The following CACTIN variants were observed in gnomAD, a reference collection of about 807,000 sequenced individuals.
The protein encoded by CACTIN is cactin, spliceosome C complex subunit.
A neutral mutation model predicts 84.9 loss-of-function variants in CACTIN; 20 were observed. The observed-to-expected ratio is 0.24, with a 90% CI of 0.17 to 0.34. CACTIN has a LOEUF of 0.34. Among genes scored for constraint, CACTIN ranks in the 10% least tolerant of loss-of-function variants. CACTIN has a pLI of 1.00. For missense variants in CACTIN, 897 were observed against 1,117.2 expected (o/e 0.80, Z 2.81); for synonymous variants, 549 against 467.9 (o/e 1.17, Z -2.24).
intron 9 of CACTIN, 76 bp downstream of exon 9, chr19:3,612,982 G>A (rs1371659220): frequency 1.3e-6 from 2 of 1,489,992 alleles, no homozygotes; most frequent in Non-Finnish European, 1.8e-6. Flanking sequence ...GCTTCGGCCG[G>A]GAAATGAGGC....
chr19:3,612,519 A>G, intron 9 of CACTIN, 106 bp from the exon 10 acceptor site: 2 of 1,434,944 alleles, frequency 1.4e-6, no homozygotes, highest in South Asian at 2.9e-5. Context: ...CGCAAAAGGA[A>G]AACAGGCTGG....
At chr19:3,626,072 G>C (rs566076092) in intron 1 of CACTIN, among the ~76,000 whole-genome samples, 45 of 151,848 alleles carry the variant, frequency 3.0e-4, no homozygotes, top group African/African-American at 1.1e-3. Context: ...TGAAATCTAC[G>C]CACTTTGCCC....
intron 2 of CACTIN, among the ~76,000 whole-genome samples, chr19:3,622,950 G>A (rs545082650): frequency 2.0e-5 from 3 of 152,302 alleles, no homozygotes; most frequent in Admixed American, 6.5e-5. Context: ...AGAAAATGAC[G>A]GTGGGCTGGG....
In CACTIN at chr19:3,619,246, TG is replaced by T; in HGVS notation, c.885-5del. On this transcript the variant is annotated splice_polypyrimidine_tract_variant and splice_region_variant and intron_variant, in intron 4 of 9. Coordinates refer to ENST00000429344, the MANE Select transcript of CACTIN (RefSeq NM_001080543.2). The stretch of plus-strand genomic sequence containing the variant: ...GTCCCGGATGCGGATCTTGGAACTG[TG>T]GGGAGCAGGGGAAGGTGGCATCAGA... 6.2e-7 allele frequency: 1 copy of T among 1,612,152 alleles called. No individual in the cohort carries two copies.
intron 7 of CACTIN, 173 bp from the exon 8 acceptor site, chr19:3,613,759 GGA>G (rs1217432137): frequency 2.2e-6 from 2 of 891,898 alleles, no homozygotes; most frequent in African/African-American, 1.7e-5. Flanking sequence ...AAGGCTTATG[GGA>G]GAGAGGACGA....
Position 3,620,795 on chromosome 19 carries a change from T to G in CACTIN, c.650A>C (p.Glu217Ala). The G allele has an allele frequency of 6.2e-7, 1 of 1,612,918 alleles. No homozygotes were observed. Among genetic ancestry groups the G allele is most frequent in the South Asian group, 1.1e-5 (1 of 91,072 alleles). The change falls in exon 3 of 10, where the codon GAG becomes GCG. Residue 217 changes from glutamate to alanine, a missense_variant. This residue lies in a region of CACTIN where 304 missense variants were observed against 444.3 expected (regional missense o/e 0.68). Transcript: ENST00000429344. Reference sequence around the variant, plus strand: ...CTCCAGGTGGCTGATCCCCTTCTTCTCCAGGGCCTGGAAGCACCAGGCACA... The same window carrying G: ...CTCCAGGTGGCTGATCCCCTTCTTCGCCAGGGCCTGGAAGCACCAGGCACA... ...LGTFIWNKAL[E>A]KKGISHLEEK...
At chr19:3,618,770 C>T (rs886622150) in intron 6 of CACTIN, 105 bp downstream of exon 6, 22 of 920,872 alleles carry the variant, frequency 2.4e-5, no homozygotes, top group South Asian at 3.3e-5. Flanking sequence ...TTGGGGAAAC[C>T]GAGGCCTGCA....
chr19:3,624,942 G>C (rs147753464), intron 1 of CACTIN, among the ~76,000 whole-genome samples: 1 of 150,892 alleles, frequency 6.6e-6, no homozygotes, highest in South Asian at 2.1e-4. Context: ...TGTCACACAG[G>C]CTGGAGTGCA....
intron 1 of CACTIN, 139 bp downstream of exon 1, chr19:3,626,457 G>T: frequency 1.0e-6 from 1 of 977,388 alleles, no homozygotes; most frequent in Non-Finnish European, 1.4e-6. Context: ...ATTCCAACCG[G>T]TGGTCAATTG....
chr19:3,613,443 C>A (rs200969177), intron 8 of CACTIN, 21 bp downstream of exon 8: 4 of 1,561,378 alleles, frequency 2.6e-6, no homozygotes, highest in Non-Finnish European at 2.6e-6. Flanking sequence ...TCGGCGTCCC[C>A]GGGGTGCCGG....
Position 3,624,093 on chromosome 19 carries a change from C to A in CACTIN, c.237G>T (p.Trp79Cys). Residue 79 changes from tryptophan (W) to cysteine (C), a missense_variant, in exon 2 of 10, where the codon TGG becomes TGT. By Grantham distance (215) the Trp-to-Cys change is radical. Transcript: ENST00000429344. ...ACTGAGAGGACCCATCTCTTGAGTG[C>A]CACTTGGGCCGCGGGGGGCTCCGGC... ...MRSRSPPRPKWHSRDGSSQSD... is the reference protein window; with the variant it reads ...MRSRSPPRPKCHSRDGSSQSD... 3.8e-6 allele frequency: 6 copies of A among 1,593,796 alleles called. No homozygotes were observed. The highest frequency in any genetic ancestry group is 5.1e-6 in the Non-Finnish European group (6 of 1,173,796).
chr19:3,624,015 G>T lies in CACTIN; in HGVS notation c.315C>A (p.Arg105=). 1 of 1,605,640 alleles carries T rather than the reference G, an allele frequency of 6.2e-7. No homozygotes were observed. The highest frequency in any genetic ancestry group is 8.5e-7 in the Non-Finnish European group (1 of 1,179,532). The change falls in exon 2 of 10, where the codon CGC becomes CGA. Residue 105 remains arginine, a synonymous_variant. Coordinates refer to ENST00000429344, the MANE Select transcript of CACTIN (RefSeq NM_001080543.2). Reference sequence around the variant, plus strand: ...AGGAGCTAGGAGACCACGAGCGTGCGCGCCGTCGCCGGCGAGCCCACTGGC... The same window carrying T: ...AGGAGCTAGGAGACCACGAGCGTGCTCGCCGTCGCCGGCGAGCCCACTGGC... The part of the protein sequence containing the change: ...SRGQWARRRR[R]ARSWSPSSSA...
intron 6 of CACTIN, chr19:3,616,052 A>G (rs2033099028): frequency 6.6e-6 from 1 of 152,142 alleles, no homozygotes; most frequent in Non-Finnish European, 1.5e-5. Context: ...GGGTCTGGAC[A>G]TGCTGCTGCA....
At chr19:3,617,502 T>C (rs537380840) in intron 6 of CACTIN, among the ~76,000 whole-genome samples, 2 of 151,866 alleles carry the variant, frequency 1.3e-5, no homozygotes, top group Admixed American at 1.3e-4. Flanking sequence ...AGCGACGTGG[T>C]GGAGGCAGAA....
In CACTIN at chr19:3,613,277, TCGGGGTCGCGCCGTCCACCTCGGCCTCCG is replaced by T; in HGVS notation, c.1538_1566del (p.Ala513AspfsTer10). The T allele has an allele frequency of 6.2e-7, 1 of 1,605,806 alleles. No homozygotes were observed. Among genetic ancestry groups the T allele is most frequent in the Non-Finnish European group, 8.5e-7 (1 of 1,178,370 alleles). ...CCGTCCCCGTCGCCGTCGCCCTCTG[TCGGGGTCGCGCCGTCCACCTCGGCCTCCG>T]CGGGGCCGCCCTCCGAGGAGGGCCC... On this transcript the variant is annotated frameshift_variant, in exon 9 of 10. Coordinates refer to ENST00000429344, the MANE Select transcript of CACTIN (RefSeq NM_001080543.2). LOFTEE classifies it high-confidence loss of function.
chr19:3,618,514 C>T (rs933008927), intron 6 of CACTIN, among the ~76,000 whole-genome samples: 1 of 152,266 alleles, frequency 6.6e-6, no homozygotes, highest in South Asian at 2.1e-4. Context: ...CTGGGCTGCA[C>T]GGCCTTCAGG....
Position 3,618,865 on chromosome 19 carries a change from C to A in CACTIN, c.1162+10G>T. On this transcript the variant is annotated intron_variant, in intron 6 of 9. Coordinates refer to ENST00000429344, the MANE Select transcript of CACTIN (RefSeq NM_001080543.2). ...GCTCCCCTGGAGCCCAGGCCCATGC[C>A]CGCCGTTACCTGGCCCCTTGCCCGA... 6.5e-7 allele frequency: 1 copy of A among 1,545,582 alleles called. No individual in the cohort carries two copies.
rs1400009460 is a variant in CACTIN at position 3,613,315 on chromosome 19, C to A, written c.1529G>T (p.Gly510Val). 2.2e-5 allele frequency: 35 copies of A among 1,574,848 alleles called. No individual in the cohort carries two copies. Among genetic ancestry groups the A allele is most frequent in the Non-Finnish European group, 3.0e-5 (35 of 1,167,036 alleles). ...GTCCACCTCGGCCTCCGCGGGGCCG[C>A]CCTCCGAGGAGGGCCCGGGCGGGGT... Reference protein sequence around the residue: ...APTPPGPSSEGGPAEAEVDGA... With the variant: ...APTPPGPSSEVGPAEAEVDGA... The change falls in exon 9 of 10, where the codon GGC (glycine) becomes GTC (valine). Residue 510 changes from glycine (G) to valine (V), a missense_variant. This residue lies in a region of CACTIN where 243 missense variants were observed against 239.9 expected (regional missense o/e 1.01). Transcript: ENST00000429344.
At chr19:3,620,299 C>T (rs45559438) in intron 3 of CACTIN, 27 bp from the exon 4 acceptor site, 241 of 1,545,516 alleles carry the variant, frequency 1.6e-4, no homozygotes, top group Non-Finnish European at 2.0e-4. Context: ...CTGAGGGCAG[C>T]GGGGACCGTG....
Sources: allele counts gnomAD v4.1 joint callset (sites outside exome capture counted in the v4.1 genomes callset), GRCh38; gene constraint gnomAD v4.1.1; regional missense constraint gnomAD v4.1.1; transcripts MANE v1.5; gene names NCBI Gene and HGNC (gene_info 2026-07-23, HGNC 2026-07-21).